Variants in FHIT observed in about 807,000 individuals in gnomAD.
The protein encoded by FHIT is fragile histidine triad diadenosine triphosphatase, also known as bis(5'-adenosyl)-triphosphatase.
Under a neutral mutation model 17.9 loss-of-function variants are expected in FHIT, and 19 were observed. The ratio of observed to expected loss-of-function variants is 1.06; its 90% CI spans 0.74 to 1.56. FHIT has a LOEUF of 1.56. Among genes scored for constraint, FHIT ranks in the 40% most tolerant of loss-of-function variants. The pLI is 0.00. For missense variants in FHIT, 248 were observed against 189.2 expected (o/e 1.31, Z -1.82); for synonymous variants, 81 against 69.7 (o/e 1.16, Z -0.81).
chr3:59,937,642 A>G (rs778519185), intron 7 of FHIT, among the ~76,000 whole-genome samples: 26 of 152,326 alleles, frequency 1.7e-4, no homozygotes, highest in East Asian at 7.7e-4. Flanking sequence ...ATGATTTGCT[A>G]TAAGTAATTT....
At chr3:60,756,532 T>A (rs1487399177) in intron 4 of FHIT, among the ~76,000 whole-genome samples, 1 of 152,160 alleles carries the variant, frequency 6.6e-6, no homozygotes, top group Admixed American at 6.5e-5. Flanking sequence ...CCAGCAAGAT[T>A]CTCAGAATAT....
intron 8 of FHIT, among the ~76,000 whole-genome samples, chr3:59,867,568 G>A (rs1022223860): frequency 1.3e-5 from 2 of 151,832 alleles, no homozygotes; most frequent in African/African-American, 2.4e-5. Flanking sequence ...GCTTTATTTT[G>A]TGATTACTTT....
At chr3:60,905,504 T>A (rs1361528057) in intron 3 of FHIT, among the ~76,000 whole-genome samples, 1 of 152,170 alleles carries the variant, frequency 6.6e-6, no homozygotes, top group African/African-American at 2.4e-5. Context: ...CACCTTCAAC[T>A]GTATGAAAAA....
chr3:60,221,643 A>G (rs759793847), intron 5 of FHIT, among the ~76,000 whole-genome samples: 21 of 151,934 alleles, frequency 1.4e-4, no homozygotes, highest in Non-Finnish European at 2.6e-4. Flanking sequence ...TCATTACTAA[A>G]CCTGAAACAC....
chr3:60,940,053 A>G (rs1475768979), intron 3 of FHIT, among the ~76,000 whole-genome samples: 2 of 152,170 alleles, frequency 1.3e-5, no homozygotes, highest in Non-Finnish European at 2.9e-5. Context: ...ACTATACCAT[A>G]TGCTAAAAAA....
chr3:60,172,303 T>C (rs1701456598), intron 5 of FHIT, among the ~76,000 whole-genome samples: 2 of 152,122 alleles, frequency 1.3e-5, no homozygotes, highest in Non-Finnish European at 2.9e-5. Flanking sequence ...TTCATTCTTG[T>C]TGCCCAGGCT....
rs759645654 is a variant in FHIT at position 60,129,049 on chromosome 3, G to GTTGTTTTTT, written c.104-114898_104-114897insAAAAAACAA. Among the ~76,000 whole-genome samples, 1,040 of 120,862 alleles carry GTTGTTTTTT rather than the reference G, an allele frequency of 8.6e-3. 68 individuals are homozygous for GTTGTTTTTT. The highest frequency in any genetic ancestry group is 0.045 in the Admixed American group (505 of 11,266). 79.3% of individuals were successfully genotyped at this position (120,862 alleles called of 152,430 possible). On this transcript the variant is annotated intron_variant, in intron 5 of 9. Transcript: ENST00000492590. ...TTTCCCTTTTCTTCTTTCCTTTTTT[G>GTTGTTTTTT]TTTGTTTTTTTTTTTTTTTTTGAAA...
chr3:60,863,963 A>T, intron 3 of FHIT, among the ~76,000 whole-genome samples: 1 of 152,176 alleles, frequency 6.6e-6, no homozygotes, highest in East Asian at 1.9e-4. Context: ...GGGATAATTT[A>T]TAAAGAAAAA....
intron 4 of FHIT, among the ~76,000 whole-genome samples, chr3:60,573,258 C>T (rs1052043625): frequency 6.6e-5 from 10 of 152,130 alleles, no homozygotes; most frequent in African/African-American, 1.9e-4. Context: ...CCTGATCAAA[C>T]GTCCCCTCTG....
chr3:60,423,216 T>C (rs1051480984), intron 5 of FHIT, among the ~76,000 whole-genome samples: 3 of 152,082 alleles, frequency 2.0e-5, no homozygotes, highest in Admixed American at 6.6e-5. Flanking sequence ...AGAGTATAGA[T>C]GGTAGAGTAG....
intron 8 of FHIT, among the ~76,000 whole-genome samples, chr3:59,911,290 C>A (rs1173397469): frequency 6.6e-6 from 1 of 152,148 alleles, no homozygotes; most frequent in African/African-American, 2.4e-5. Context: ...CACACTCACA[C>A]ACACTCTGAT....
chr3:60,940,772 G>A (rs945383126), intron 3 of FHIT, among the ~76,000 whole-genome samples: 6 of 152,166 alleles, frequency 3.9e-5, no homozygotes, highest in South Asian at 2.1e-4. Flanking sequence ...ATGGTTTAAA[G>A]CAGTGCTTCA....
At chr3:61,183,825 T>A (rs890703689) in intron 2 of FHIT, among the ~76,000 whole-genome samples, 1 of 151,748 alleles carries the variant, frequency 6.6e-6, no homozygotes, top group Non-Finnish European at 1.5e-5. Context: ...GTTTTTCACG[T>A]TTACAAAGAA....
At chr3:60,120,894 G>A (rs917312212) in intron 5 of FHIT, among the ~76,000 whole-genome samples, 12 of 151,306 alleles carry the variant, frequency 7.9e-5, no homozygotes, top group Non-Finnish European at 1.2e-4. Flanking sequence ...ACTTTACACT[G>A]TTATCAGTCT....
chr3:60,174,866 C>A (rs950961238), intron 5 of FHIT, among the ~76,000 whole-genome samples: 1 of 152,100 alleles, frequency 6.6e-6, no homozygotes, highest in African/African-American at 2.4e-5. Context: ...CTTTCTGTCT[C>A]TATGGATTTA....
chr3:59,777,040 G>C (rs538502079), intron 8 of FHIT, among the ~76,000 whole-genome samples: 7 of 152,010 alleles, frequency 4.6e-5, no homozygotes, highest in Non-Finnish European at 8.8e-5. Flanking sequence ...CTGTGCTCTC[G>C]TCACATTCTT....
intron 8 of FHIT, among the ~76,000 whole-genome samples, chr3:59,808,913 A>T (rs1026337116): frequency 2.6e-5 from 4 of 152,204 alleles, no homozygotes; most frequent in African/African-American, 4.8e-5. Context: ...ACAACAGCTT[A>T]GAGGAGAGGC....
intron 2 of FHIT, among the ~76,000 whole-genome samples, chr3:61,088,790 T>C (rs1458741145): frequency 6.6e-6 from 1 of 152,118 alleles, no homozygotes; most frequent in African/African-American, 2.4e-5. Flanking sequence ...CAAAATACAG[T>C]GAATGCATTC....
intron 5 of FHIT, among the ~76,000 whole-genome samples, chr3:60,334,325 T>C (rs901110145): frequency 4.6e-5 from 7 of 152,218 alleles, no homozygotes; most frequent in East Asian, 1.9e-4. Context: ...GTATTACTTA[T>C]ACTCAAGGAA....
Sources: allele counts gnomAD v4.1 joint callset (sites outside exome capture counted in the v4.1 genomes callset), GRCh38; gene constraint gnomAD v4.1.1; transcripts MANE v1.5; gene names NCBI Gene and HGNC (gene_info 2026-07-23, HGNC 2026-07-21).